Variants in DCDC2 observed in about 807,000 individuals in gnomAD.
DCDC2 encodes the protein doublecortin domain-containing protein 2.
DCDC2 carries 40 observed loss-of-function variants against 50.2 expected under a neutral mutation model. That is an observed-to-expected ratio of 0.80 (90% CI 0.62 to 1.04). The LOEUF is 1.04. DCDC2 is among the 50% of genes least tolerant of loss of function. The pLI, the probability that DCDC2 is intolerant of heterozygous loss-of-function variation, is 0.00. For missense variants in DCDC2, 570 were observed against 581.9 expected (o/e 0.98, Z 0.21); for synonymous variants, 234 against 210.6 (o/e 1.11, Z -0.96).
chr6:24,196,108 T>A (rs1761431113), intron 8 of DCDC2, among the ~76,000 whole-genome samples: 1 of 152,276 alleles, frequency 6.6e-6, no homozygotes, highest in East Asian at 1.9e-4. Flanking sequence ...AACTAGCTAA[T>A]GGCCTTAGAG....
chr6:24,317,664 C>A (rs193163176), intron 2 of DCDC2, among the ~76,000 whole-genome samples: 2 of 151,894 alleles, frequency 1.3e-5, no homozygotes, highest in East Asian at 3.9e-4. Flanking sequence ...AACAAAAAAT[C>A]ATTTTTCCAT....
chr6:24,181,989 A>G (rs1761083731), intron 8 of DCDC2, among the ~76,000 whole-genome samples: 1 of 152,250 alleles, frequency 6.6e-6, no homozygotes, highest in African/African-American at 2.4e-5. Flanking sequence ...GGAATAGAAC[A>G]GAGAGTCCAG....
At chr6:24,184,770 T>A (rs555547437) in intron 8 of DCDC2, among the ~76,000 whole-genome samples, 2 of 152,294 alleles carry the variant, frequency 1.3e-5, no homozygotes, top group Admixed American at 6.5e-5. Flanking sequence ...CTTTTTAAAT[T>A]ACCTCTGAAA....
At chr6:24,273,326 G>A (rs1763281678) in intron 7 of DCDC2, among the ~76,000 whole-genome samples, 1 of 152,084 alleles carries the variant, frequency 6.6e-6, no homozygotes, top group South Asian at 2.1e-4. Context: ...ACATCATGGG[G>A]ACAATTTACA....
chr6:24,286,233 G>A (rs979600040), intron 6 of DCDC2, among the ~76,000 whole-genome samples: 8 of 152,102 alleles, frequency 5.3e-5, no homozygotes, highest in Non-Finnish European at 7.3e-5. Context: ...AAGCTGTGCT[G>A]GGTGATGAAG....
intron 7 of DCDC2, among the ~76,000 whole-genome samples, chr6:24,214,267 A>C (rs892196628): frequency 6.6e-5 from 10 of 152,190 alleles, no homozygotes; most frequent in Non-Finnish European, 1.0e-4. Flanking sequence ...TTTAATCACC[A>C]CAGTTATTTA....
intron 7 of DCDC2, among the ~76,000 whole-genome samples, chr6:24,238,129 G>A (rs1416886531): frequency 2.6e-5 from 1 of 38,282 alleles, no homozygotes; most frequent in South Asian, 1.3e-3. Context: ...GGGAAGGGAG[G>A]AAAGGAGGAA....
intron 4 of DCDC2, among the ~76,000 whole-genome samples, chr6:24,298,455 A>G (rs1759306726): frequency 6.6e-6 from 1 of 152,250 alleles, no homozygotes; most frequent in East Asian, 1.9e-4. Context: ...TTTAGAACAC[A>G]GGCTCTGGAG....
chr6:24,283,876 G>A (rs1763533966), intron 6 of DCDC2, among the ~76,000 whole-genome samples: 1 of 152,168 alleles, frequency 6.6e-6, no homozygotes, highest in African/African-American at 2.4e-5. Context: ...CACTGTGCCA[G>A]GGGTTATTCT....
chr6:24,301,302 C>T (rs138968896), intron 4 of DCDC2, among the ~76,000 whole-genome samples: 90 of 130,262 alleles, frequency 6.9e-4, no homozygotes, highest in South Asian at 1.2e-3. Context: ...ACCCGGGAGG[C>T]GGAGCTTGCA....
chr6:24,277,677 G>A (rs975964302), intron 7 of DCDC2, among the ~76,000 whole-genome samples: 9 of 152,028 alleles, frequency 5.9e-5, no homozygotes, highest in Admixed American at 4.6e-4. Context: ...GATGATCTTT[G>A]ACTAATAAAT....
intron 2 of DCDC2, among the ~76,000 whole-genome samples, chr6:24,326,364 T>C (rs1279093064): frequency 2.0e-5 from 3 of 148,892 alleles, no homozygotes; most frequent in Admixed American, 6.7e-5. Flanking sequence ...GACCCCCCCA[T>C]GCCCTAGAGC....
chr6:24,378,175 C>T, the DCDC2 span, among the ~76,000 whole-genome samples: 1 of 152,126 alleles, frequency 6.6e-6, no homozygotes, highest in African/African-American at 2.4e-5. Context: ...GAAAAAGGAC[C>T]CTGCCTGGAG....
intron 2 of DCDC2, among the ~76,000 whole-genome samples, chr6:24,312,915 C>A (rs16889069): frequency 0.12 from 18,759 of 152,018 alleles, 1,658 homozygotes; most frequent in African/African-American, 0.25. Context: ...AGATAAGATA[C>A]CCATCATAAG....
At chr6:24,257,465 A>G (rs1341038993) in intron 7 of DCDC2, among the ~76,000 whole-genome samples, 1 of 152,194 alleles carries the variant, frequency 6.6e-6, no homozygotes, top group African/African-American at 2.4e-5. Flanking sequence ...CTGCTGTTGT[A>G]ATACACCTGC....
intron 8 of DCDC2, among the ~76,000 whole-genome samples, chr6:24,200,071 G>A (rs1349128062): frequency 1.3e-5 from 2 of 152,110 alleles, no homozygotes; most frequent in Admixed American, 1.3e-4. Flanking sequence ...ATGAAACCAA[G>A]TTAGAAAACA....
chr6:24,366,411 T>C, the DCDC2 span, among the ~76,000 whole-genome samples: 2 of 152,332 alleles, frequency 1.3e-5, no homozygotes, highest in African/African-American at 4.8e-5. Flanking sequence ...GAATGAGACC[T>C]GCAAACCCCT....
intron 4 of DCDC2, among the ~76,000 whole-genome samples, chr6:24,301,435 G>A (rs1332259853): frequency 1.4e-5 from 2 of 144,156 alleles, no homozygotes; most frequent in Non-Finnish European, 3.0e-5. Context: ...CTCAACTAAA[G>A]TTATGTTTGC....
intron 5 of DCDC2, among the ~76,000 whole-genome samples, chr6:24,289,930 T>C (rs1014750322): frequency 7.1e-6 from 1 of 140,072 alleles, no homozygotes; most frequent in Non-Finnish European, 1.5e-5. Context: ...CTGGGCACCA[T>C]GAGCAAGCCG....
Sources: allele counts gnomAD v4.1 joint callset (sites outside exome capture counted in the v4.1 genomes callset), GRCh38; gene constraint gnomAD v4.1.1; transcripts MANE v1.5; gene names NCBI Gene and HGNC (gene_info 2026-07-23, HGNC 2026-07-21).